The following RDH10 variants were observed in gnomAD, a reference collection of about 807,000 sequenced individuals.
The protein encoded by RDH10 is retinol dehydrogenase 10 (all-trans).
Under a neutral mutation model 30.2 loss-of-function variants are expected in RDH10, and 12 were observed. That is an observed-to-expected ratio of 0.40 (90% CI 0.25 to 0.64). The LOEUF is 0.64. Among genes scored for constraint, RDH10 ranks in the 30% least tolerant of loss-of-function variants. The pLI, the probability that RDH10 is intolerant of heterozygous loss-of-function variation, is 0.43. For synonymous variants in RDH10, 189 were observed against 172.2 expected, an observed-to-expected ratio of 1.10 and a Z score of -0.76; for missense variants, 268 against 445.2, an observed-to-expected ratio of 0.60 and a Z score of 3.58.
At chr8:73,312,758 G>T (rs562420534) in intron 2 of RDH10, 1 of 152,298 alleles carries the variant, frequency 6.6e-6, no homozygotes, top group Non-Finnish European at 1.5e-5. Context: ...TTAAGCATAT[G>T]TGAGAAAACT....
chr8:73,318,196 G>C (rs1814707262), intron 2 of RDH10, among the ~76,000 whole-genome samples: 2 of 152,256 alleles, frequency 1.3e-5, no homozygotes, highest in South Asian at 4.1e-4. Context: ...GTAGTTAATA[G>C]ATCATCGTAA....
intron 2 of RDH10, among the ~76,000 whole-genome samples, chr8:73,307,087 T>G (rs1425060754): frequency 6.6e-6 from 1 of 152,230 alleles, no homozygotes; most frequent in Non-Finnish European, 1.5e-5. Flanking sequence ...TGATTTCATA[T>G]TGTATTTTTA....
Position 73,323,189 on chromosome 8 carries a change from G to T in RDH10, c.*153G>T, listed in dbSNP as rs1019856177. 4 of 633,824 alleles carry T rather than the reference G, an allele frequency of 6.3e-6. No individual in the cohort carries two copies. In the East Asian group the frequency reaches 9.0e-5, roughly 14 times the overall value. The allele number at this position is 633,824 out of a possible 1,614,324, so 39.3% of individuals were successfully genotyped here. A position where few individuals can be genotyped will look rare whatever the true frequency, so the allele number is the denominator to read the frequency against. On this transcript the variant is annotated 3_prime_UTR_variant, in exon 6 of 6. Coordinates refer to ENST00000240285, the MANE Select transcript of RDH10 (RefSeq NM_172037.5). Reference sequence around the variant, plus strand: ...TAAAAAAATAAAGTGTAAATTAACCGACTAGAGTACTTGGAAAATGTGATC... The same window carrying T: ...TAAAAAAATAAAGTGTAAATTAACCTACTAGAGTACTTGGAAAATGTGATC...
intron 2 of RDH10, chr8:73,312,631 A>G (rs1372426445): frequency 6.6e-6 from 1 of 152,244 alleles, no homozygotes; most frequent in Non-Finnish European, 1.5e-5. Context: ...TTGCCCAACC[A>G]TGTGAAGGGT....
At chr8:73,299,151 AAATG>A (rs1448512741) in intron 2 of RDH10, among the ~76,000 whole-genome samples, 1 of 152,170 alleles carries the variant, frequency 6.6e-6, no homozygotes, top group Admixed American at 6.5e-5. Flanking sequence ...AAACCTCTAG[AAATG>A]AATATATAAA....
chr8:73,322,912 G>A lies in RDH10; in HGVS notation c.903-1G>A. ...TAACAGCTGTGACTTCCCTTTTTCA[G>A]CATCCTACCATTTGAAGCAGTTGTG... On this transcript the variant is annotated splice_acceptor_variant, in intron 5 of 5. Coordinates refer to ENST00000240285, the MANE Select transcript of RDH10 (RefSeq NM_172037.5). LOFTEE classifies it high-confidence loss of function. 1.2e-6 allele frequency: 2 copies of A among 1,614,038 alleles called. No homozygotes were observed. The highest frequency in any genetic ancestry group is 1.7e-6 in the Non-Finnish European group (2 of 1,179,972).
At chr8:73,310,267 C>T (rs1814540971) in intron 2 of RDH10, among the ~76,000 whole-genome samples, 1 of 152,206 alleles carries the variant, frequency 6.6e-6, no homozygotes, top group Non-Finnish European at 1.5e-5. Flanking sequence ...ATTCTAAGTT[C>T]TAACAGTGCA....
Position 73,294,830 on chromosome 8 carries a change from G to A in RDH10, c.-460G>A. 1 of 383,740 alleles carries A rather than the reference G, an allele frequency of 2.6e-6. No homozygotes were observed. The highest frequency in any genetic ancestry group is 4.6e-6 in the Non-Finnish European group (1 of 216,322). 23.8% of individuals were successfully genotyped at this position (383,740 alleles called of 1,614,324 possible). ...AACTTGGGTCGAGTTGACAACTCCC[G>A]CGGCAGCCCGCTGGCCCGTGCCGCC... On this transcript the variant is annotated 5_prime_UTR_variant, in exon 1 of 6. Transcript: ENST00000240285.
At chr8:73,305,134 C>G (rs1329756487) in intron 2 of RDH10, among the ~76,000 whole-genome samples, 1 of 152,174 alleles carries the variant, frequency 6.6e-6, no homozygotes, top group Non-Finnish European at 1.5e-5. Context: ...GCAGAGTGCC[C>G]CGGCAGAGCC....
intron 1 of RDH10, among the ~76,000 whole-genome samples, chr8:73,296,690 G>C (rs1461344458): frequency 6.6e-6 from 1 of 152,186 alleles, no homozygotes; most frequent in African/African-American, 2.4e-5. Context: ...ATTAAAAATT[G>C]TGGATTCATT....
At chr8:73,316,497 C>T (rs116613123) in intron 2 of RDH10, among the ~76,000 whole-genome samples, 1,948 of 152,214 alleles carry the variant, frequency 0.013, 43 homozygotes, top group African/African-American at 0.045. Flanking sequence ...GTCATAATTA[C>T]TCTTTCTGTT....
At chr8:73,301,292 C>T (rs1443859889) in intron 2 of RDH10, among the ~76,000 whole-genome samples, 3 of 149,742 alleles carry the variant, frequency 2.0e-5, no homozygotes, top group Middle Eastern at 3.4e-3. Context: ...CCTCGTGATC[C>T]GCCCGCCTCG....
At chr8:73,305,208 A>T (rs1227237126) in intron 2 of RDH10, among the ~76,000 whole-genome samples, 1 of 152,076 alleles carries the variant, frequency 6.6e-6, no homozygotes, top group Non-Finnish European at 1.5e-5. Flanking sequence ...AACTGCTCAC[A>T]CTCCACTTAT....
intron 2 of RDH10, among the ~76,000 whole-genome samples, chr8:73,305,840 G>C (rs1030272346): frequency 4.0e-4 from 61 of 152,136 alleles, no homozygotes; most frequent in Non-Finnish European, 8.2e-4. Flanking sequence ...TTAAGAAATA[G>C]AGAACTATTT....
intron 5 of RDH10, 37 bp downstream of exon 5, chr8:73,322,847 C>G: frequency 6.2e-7 from 1 of 1,613,966 alleles, no homozygotes; most frequent in South Asian, 1.1e-5. Flanking sequence ...CTGGGTCTCT[C>G]CATGCCTGCC....
chr8:73,321,930 C>G (rs1449255330), intron 4 of RDH10: 1 of 456,238 alleles, frequency 2.2e-6, no homozygotes, highest in Admixed American at 2.3e-5. Flanking sequence ...AGCTCTGCCT[C>G]TTATCCCACA....
In RDH10 at chr8:73,297,324, A is replaced by T; in HGVS notation, c.420A>T (p.Ser140=). 2 of 1,613,650 alleles carry T rather than the reference A, an allele frequency of 1.2e-6. No homozygotes were observed. Among genetic ancestry groups the T allele is most frequent in the Non-Finnish European group, 1.7e-6 (2 of 1,179,484 alleles). ...ERVRKEVGEV[S]VLVNNAGVVS... ...TCCGCAAGGAGGTTGGCGAAGTCTCAGTCCTGGTCAATAATGCTGGTGTGG... is the reference window on the plus strand; with the variant it reads ...TCCGCAAGGAGGTTGGCGAAGTCTCTGTCCTGGTCAATAATGCTGGTGTGG... Residue 140 remains serine, a synonymous_variant, in exon 2 of 6, where the codon TCA becomes TCT. Coordinates refer to ENST00000240285, the MANE Select transcript of RDH10 (RefSeq NM_172037.5).
chr8:73,294,654 G>C lies in RDH10; in HGVS notation c.-636G>C. The C allele has an allele frequency of 2.9e-6, 1 of 346,872 alleles. No individual in the cohort carries two copies. 21.5% of individuals were successfully genotyped at this position (346,872 alleles called of 1,614,324 possible). ...CAAGCGGGCTGCGCTGCGGAGCCCA[G>C]TGCCCGAGTGACACCCGCGGAGAGT... is the stretch of plus-strand genomic sequence containing the variant. On this transcript the variant is annotated 5_prime_UTR_variant, in exon 1 of 6. Coordinates refer to ENST00000240285, the MANE Select transcript of RDH10 (RefSeq NM_172037.5).
rs1355465363 is a variant in RDH10, at chr8:73,324,582, T to G, written c.*1546T>G. ...AACTTACATGCAATTGTGTGATTATTAGTTATCAGCAGTGTTGTAAGGAAA... is the reference window on the plus strand; with the variant it reads ...AACTTACATGCAATTGTGTGATTATGAGTTATCAGCAGTGTTGTAAGGAAA... On this transcript the variant is annotated 3_prime_UTR_variant, in exon 6 of 6. Transcript: ENST00000240285. The G allele has an allele frequency of 6.6e-6, 1 of 152,374 alleles. No homozygotes were observed. The highest frequency in any genetic ancestry group is 1.9e-4 in the East Asian group (1 of 5,202). 9.4% of individuals were successfully genotyped at this position (152,374 alleles called of 1,614,324 possible). A position where few individuals can be genotyped will look rare whatever the true frequency, so the allele number is the denominator to read the frequency against.
Sources: gnomAD v4.1 joint callset for allele counts (sites outside exome capture counted in the v4.1 genomes callset) on GRCh38, gnomAD v4.1.1 for gene constraint, MANE v1.5 for transcripts, NCBI Gene and HGNC (gene_info 2026-07-23, HGNC 2026-07-21) for gene names.